KLF8: variants seen among roughly 807,000 people sequenced by gnomAD.
KLF8 encodes the protein KLF transcription factor 8.
Under a neutral mutation model 18.2 loss-of-function variants are expected in KLF8, and 10 were observed. That is an observed-to-expected ratio of 0.55 (90% CI 0.34 to 0.93). KLF8 has a LOEUF of 0.93. Among genes scored for constraint, KLF8 ranks in the 40% least tolerant of loss-of-function variants. The pLI, the probability that KLF8 is intolerant of heterozygous loss-of-function variation, is 0.02. For synonymous variants in KLF8, 109 were observed against 97.3 expected, an observed-to-expected ratio of 1.12 and a Z score of -0.71; for missense variants, 264 against 277.9, an observed-to-expected ratio of 0.95 and a Z score of 0.36.
Position 56,289,954 on chromosome X carries a change from T to C in KLF8, c.*5460T>C, listed in dbSNP as rs2067306094. On this transcript the variant is annotated 3_prime_UTR_variant, in exon 6 of 6. Coordinates refer to ENST00000468660, the MANE Select transcript of KLF8 (RefSeq NM_007250.5). ...TGAACCAAACCATCAAGAATGTACC[T>C]AACCTTAAATAAGCCAAGGGAACTT... 8.9e-6 allele frequency among the ~76,000 whole-genome samples: 1 copy of C among 111,779 alleles called. No individual in the cohort carries two copies. Among genetic ancestry groups the C allele is most frequent in the Middle Eastern group, 4.6e-3 (1 of 217 alleles).
In KLF8 at chrX:56,232,568, C is replaced by T. The variant is rs1021850431; in HGVS notation, c.-767C>T. Reference sequence around the variant, plus strand: ...GGGGCAGCTAGGTGCCTCCAAGAAACCCCGCCCCAGAGGACCCGCACGAGT... The same window carrying T: ...GGGGCAGCTAGGTGCCTCCAAGAAATCCCGCCCCAGAGGACCCGCACGAGT... On this transcript the variant is annotated 5_prime_UTR_variant, in exon 1 of 6. Transcript: ENST00000468660. 1 of 111,474 alleles carries T rather than the reference C, an allele frequency of 9.0e-6. No homozygotes were observed. The highest frequency in any genetic ancestry group is 3.3e-5 in the African/African-American group (1 of 30,668). The allele number at this position is 111,474 out of a possible 1,213,427, so 9.2% of individuals were successfully genotyped here.
the KLF8 span, among the ~76,000 whole-genome samples, chrX:55,922,319 G>A: frequency 8.9e-6 from 1 of 112,608 alleles, no homozygotes; most frequent in Non-Finnish European, 1.9e-5. Flanking sequence ...TGTAGGACAT[G>A]GATGGAGCTG....
the KLF8 span, among the ~76,000 whole-genome samples, chrX:55,913,402 T>C: frequency 9.0e-6 from 1 of 111,560 alleles, no homozygotes; most frequent in African/African-American, 3.3e-5. Context: ...TAAAATGATC[T>C]CATTTTATTT....
the KLF8 span, among the ~76,000 whole-genome samples, chrX:56,220,890 T>A: frequency 6.2e-5 from 7 of 112,902 alleles, no homozygotes; most frequent in Admixed American, 6.5e-4. Context: ...TTTTATTTTA[T>A]CAAATGTGTT....
the KLF8 span, among the ~76,000 whole-genome samples, chrX:56,006,710 T>C: frequency 8.9e-6 from 1 of 112,752 alleles, no homozygotes; most frequent in Non-Finnish European, 1.9e-5. Context: ...TCTTGAGTTT[T>C]TTTGGTATCT....
At chrX:56,112,292 T>C in the KLF8 span, among the ~76,000 whole-genome samples, 4 of 110,804 alleles carry the variant, frequency 3.6e-5, no homozygotes, top group Non-Finnish European at 7.5e-5. Flanking sequence ...TGAGAACACA[T>C]GGATACAGGG....
the KLF8 span, among the ~76,000 whole-genome samples, chrX:56,030,088 A>T: frequency 8.9e-6 from 1 of 112,376 alleles, no homozygotes; most frequent in African/African-American, 3.2e-5. Flanking sequence ...TGTACATATG[A>T]TAGGCCTCAC....
At chrX:56,134,088 C>G in the KLF8 span, among the ~76,000 whole-genome samples, 3 of 111,591 alleles carry the variant, frequency 2.7e-5, no homozygotes, top group Non-Finnish European at 3.8e-5. Flanking sequence ...GACCATACTG[C>G]TAAAAGCAGT....
At chrX:56,057,748 G>A in the KLF8 span, among the ~76,000 whole-genome samples, 4 of 111,019 alleles carry the variant, frequency 3.6e-5, no homozygotes, top group East Asian at 1.1e-3. Flanking sequence ...TTCCTCTAGG[G>A]CTAACGTCTC....
the KLF8 span, among the ~76,000 whole-genome samples, chrX:56,052,245 G>T: frequency 9.0e-6 from 1 of 111,274 alleles, no homozygotes; most frequent in Admixed American, 9.5e-5. Context: ...TAATTTGATC[G>T]TCTGAAGCCT....
upstream of KLF8, among the ~76,000 whole-genome samples, chrX:56,229,487 C>T (rs967437392): frequency 7.2e-5 from 8 of 111,881 alleles, no homozygotes; most frequent in South Asian, 3.7e-4. Context: ...GTTTCCTAGA[C>T]GGACAGGGAA....
chrX:56,093,389 G>GA, the KLF8 span, among the ~76,000 whole-genome samples: 1 of 111,016 alleles, frequency 9.0e-6, no homozygotes, highest in Non-Finnish European at 1.9e-5. Flanking sequence ...CAAACAACAA[G>GA]AGAGTGGAGT....
chrX:56,238,630 TC>T (rs2066508458), intron 1 of KLF8, among the ~76,000 whole-genome samples: 2 of 111,639 alleles, frequency 1.8e-5, no homozygotes, highest in Non-Finnish European at 3.8e-5. Context: ...ACCACATTAC[TC>T]ATCTGGCCTA....
At chrX:55,986,166 A>T in the KLF8 span, among the ~76,000 whole-genome samples, 1 of 111,351 alleles carries the variant, frequency 9.0e-6, no homozygotes, top group South Asian at 3.8e-4. Context: ...AAAACTTCCA[A>T]TACTATGTTG....
chrX:56,232,217 T>C (rs754075063), upstream of KLF8, among the ~76,000 whole-genome samples: 2 of 111,823 alleles, frequency 1.8e-5, no homozygotes, highest in South Asian at 7.5e-4. Flanking sequence ...GTGAAATTGA[T>C]TGGAATTATA....
chrX:55,945,556 G>A, the KLF8 span, among the ~76,000 whole-genome samples: 9 of 111,102 alleles, frequency 8.1e-5, no homozygotes, highest in East Asian at 2.2e-3. Context: ...AAAACTGGAA[G>A]CATTCCCTTT....
intron 5 of KLF8, among the ~76,000 whole-genome samples, chrX:56,283,651 G>A (rs778497031): frequency 1.8e-5 from 2 of 112,125 alleles, no homozygotes; most frequent in Non-Finnish European, 3.8e-5. Context: ...GATTACAGGC[G>A]TGAGCCACCG....
the KLF8 span, among the ~76,000 whole-genome samples, chrX:56,103,666 A>G: frequency 7.2e-5 from 8 of 111,526 alleles, no homozygotes; most frequent in African/African-American, 2.6e-4. Context: ...AACAGGGACA[A>G]TTTGACTTCC....
At chrX:56,176,997 C>G in the KLF8 span, among the ~76,000 whole-genome samples, 6 of 111,269 alleles carry the variant, frequency 5.4e-5, no homozygotes, top group Non-Finnish European at 3.8e-5. Context: ...TCTAGGTAGC[C>G]ATTCGTCTAA....
Sources: gnomAD v4.1 joint callset for allele counts (sites outside exome capture counted in the v4.1 genomes callset) on GRCh38, gnomAD v4.1.1 for gene constraint, MANE v1.5 for transcripts, NCBI Gene and HGNC (gene_info 2026-07-23, HGNC 2026-07-21) for gene names.